The following TMTC1 variants were observed in gnomAD, a reference collection of about 807,000 sequenced individuals.
TMTC1 encodes transmembrane O-mannosyltransferase targeting cadherins 1.
Under a neutral mutation model 104.8 loss-of-function variants are expected in TMTC1, and 73 were observed. That is an observed-to-expected ratio of 0.70 (90% CI 0.58 to 0.85). The LOEUF (loss-of-function observed/expected upper bound fraction) is 0.85. Among genes scored for constraint, TMTC1 ranks in the 40% least tolerant of loss-of-function variants. The pLI is 0.00. For synonymous variants in TMTC1, 434 were observed against 428.7 expected (o/e 1.01, Z -0.15); for missense variants, 1,035 against 1,096.1 (o/e 0.94, Z 0.79).
intron 5 of TMTC1, chr12:29,658,736 T>C (rs1174293037): frequency 4.8e-6 from 1 of 209,914 alleles, no homozygotes; most frequent in African/African-American, 2.3e-5. Context: ...CAACTCCATG[T>C]TTTCTAAAAG....
chr12:29,523,654 T>C (rs1024413046), intron 11 of TMTC1, among the ~76,000 whole-genome samples: 1 of 151,808 alleles, frequency 6.6e-6, no homozygotes, highest in African/African-American at 2.4e-5. Flanking sequence ...ACTTATTTGG[T>C]CTTAAGTTTT....
At chr12:29,595,078 T>C (rs776725393) in intron 7 of TMTC1, among the ~76,000 whole-genome samples, 1 of 152,248 alleles carries the variant, frequency 6.6e-6, no homozygotes, top group Non-Finnish European at 1.5e-5. Flanking sequence ...ACATGTATTA[T>C]TGTATTCAGT....
At chr12:29,757,923 TC>T (rs1943252917) in intron 3 of TMTC1, among the ~76,000 whole-genome samples, 1 of 151,820 alleles carries the variant, frequency 6.6e-6, no homozygotes, top group Non-Finnish European at 1.5e-5. Context: ...TTCAACTACC[TC>T]CCACTAGGTT....
intron 5 of TMTC1, among the ~76,000 whole-genome samples, chr12:29,664,111 C>T (rs952335024): frequency 1.1e-4 from 16 of 149,762 alleles, no homozygotes; most frequent in Admixed American, 4.6e-4. Flanking sequence ...GGCGTGAACC[C>T]GGGAGGCGGA....
At chr12:29,781,319 C>T (rs1943831106) in intron 1 of TMTC1, among the ~76,000 whole-genome samples, 1 of 152,300 alleles carries the variant, frequency 6.6e-6, no homozygotes, top group Admixed American at 6.5e-5. Flanking sequence ...ATATAATATA[C>T]AGCAAGCCAT....
intron 10 of TMTC1, among the ~76,000 whole-genome samples, chr12:29,548,199 A>T (rs549160155): frequency 2.6e-5 from 4 of 152,344 alleles, no homozygotes; most frequent in Non-Finnish European, 4.4e-5. Context: ...ATAGAAGAGG[A>T]GAGAAATAGA....
At chr12:29,667,982 A>G (rs116653435) in intron 5 of TMTC1, among the ~76,000 whole-genome samples, 1,624 of 152,328 alleles carry the variant, frequency 0.011, 32 homozygotes, top group African/African-American at 0.036. Context: ...CAAGAGGCAA[A>G]GGTGAGACCC....
intron 5 of TMTC1, among the ~76,000 whole-genome samples, chr12:29,676,023 C>T (rs535586335): frequency 7.9e-5 from 12 of 152,274 alleles, no homozygotes; most frequent in South Asian, 2.1e-4. Flanking sequence ...ATCAAGCTTA[C>T]GCCATTAATT....
At chr12:29,769,443 G>A (rs534972188) in intron 1 of TMTC1, among the ~76,000 whole-genome samples, 3 of 152,298 alleles carry the variant, frequency 2.0e-5, no homozygotes, top group African/African-American at 4.8e-5. Context: ...CCCATCCAGA[G>A]GGAAAAAGGA....
At chr12:29,656,840 G>C (rs1346213641) in intron 5 of TMTC1, among the ~76,000 whole-genome samples, 1 of 152,064 alleles carries the variant, frequency 6.6e-6, no homozygotes, top group East Asian at 1.9e-4. Context: ...TTTGCCACAG[G>C]TTCCACCAAA....
intron 5 of TMTC1, among the ~76,000 whole-genome samples, chr12:29,682,898 G>A (rs1260935260): frequency 6.6e-6 from 1 of 151,978 alleles, no homozygotes; most frequent in African/African-American, 2.4e-5. Context: ...CATATTGCAT[G>A]GATGTCAATT....
rs962395555 is a variant in TMTC1, at chr12:29,768,039, G to A, written c.339C>T (p.Tyr113=). The A allele has an allele frequency of 1.2e-6, 2 of 1,613,392 alleles. No individual in the cohort carries two copies. The highest frequency in any genetic ancestry group is 3.3e-5 in the Admixed American group (2 of 59,964). ...GTAAAATTATATTTACTGCATGAAAGTAGAATGGGTTCATACCAGTCAAAA... is the reference window on the plus strand; with the variant it reads ...GTAAAATTATATTTACTGCATGAAAATAGAATGGGTTCATACCAGTCAAAA... ...NIFLTGMNPF[Y]FHAVNIILHC... The change falls in exon 2 of 18, where the codon TAC becomes TAT. Residue 113 remains tyrosine, a synonymous_variant. Transcript: ENST00000539277.
At position 29,637,097 on chromosome 12, in the gene TMTC1, C is replaced by A. The variant is rs1268561149; in HGVS notation, c.939-3761G>T. Among the ~76,000 whole-genome samples, 183 of 146,380 alleles carry A rather than the reference C, an allele frequency of 1.3e-3. 1 individual carries two copies. Among genetic ancestry groups the A allele is most frequent in the South Asian group, 2.1e-3 (10 of 4,672 alleles). On this transcript the variant is annotated intron_variant, in intron 5 of 17. Coordinates refer to ENST00000539277, the MANE Select transcript of TMTC1 (RefSeq NM_001193451.2). Reference sequence around the variant, plus strand: ...AAACAAAATGAGAAACACACACACACACACACACACACACACACACACACA... The same window carrying A: ...AAACAAAATGAGAAACACACACACAAACACACACACACACACACACACACA...
At chr12:29,520,796 G>T in intron 11 of TMTC1, 76 bp from the exon 12 acceptor site, 1 of 1,164,186 alleles carries the variant, frequency 8.6e-7, no homozygotes, top group Non-Finnish European at 1.2e-6. Context: ...TTAGGAGCAG[G>T]AAAAGCAAAA....
intron 5 of TMTC1, among the ~76,000 whole-genome samples, chr12:29,637,822 T>C (rs1357300529): frequency 2.6e-5 from 4 of 152,226 alleles, no homozygotes; most frequent in African/African-American, 9.6e-5. Flanking sequence ...AAAAATCAGG[T>C]ACTGCAAGCA....
intron 1 of TMTC1, among the ~76,000 whole-genome samples, chr12:29,768,457 G>C (rs1943523773): frequency 6.6e-6 from 1 of 152,106 alleles, no homozygotes; most frequent in Non-Finnish European, 1.5e-5. Context: ...AAGTCCAAAG[G>C]GCCATGGGTC....
At chr12:29,510,544 T>C (rs1943804577) in intron 17 of TMTC1, among the ~76,000 whole-genome samples, 1 of 152,136 alleles carries the variant, frequency 6.6e-6, no homozygotes, top group African/African-American at 2.4e-5. Flanking sequence ...CTCTGAAAAA[T>C]ATCGTGCTTG....
chr12:29,597,123 T>C (rs1014245354), intron 7 of TMTC1, among the ~76,000 whole-genome samples: 16 of 152,172 alleles, frequency 1.1e-4, no homozygotes, highest in African/African-American at 2.2e-4. Flanking sequence ...TGACATTTCT[T>C]GTGTGGCCCT....
chr12:29,643,104 C>G (rs977362109), intron 5 of TMTC1, among the ~76,000 whole-genome samples: 1 of 152,038 alleles, frequency 6.6e-6, no homozygotes, highest in East Asian at 1.9e-4. Context: ...TACCGCCTTA[C>G]TCCTGGGAGA....
Sources: gnomAD v4.1 joint callset for allele counts (sites outside exome capture counted in the v4.1 genomes callset) on GRCh38, gnomAD v4.1.1 for gene constraint, MANE v1.5 for transcripts, NCBI Gene and HGNC (gene_info 2026-07-23, HGNC 2026-07-21) for gene names.